The following ARHGAP24 variants were observed in gnomAD, a reference collection of about 807,000 sequenced individuals.
ARHGAP24 encodes Rho GTPase activating protein 24.
Under a neutral mutation model 76.4 loss-of-function variants are expected in ARHGAP24, and 50 were observed. The observed-to-expected ratio is 0.65, with a 90% CI of 0.52 to 0.83. The LOEUF (loss-of-function observed/expected upper bound fraction) is 0.83, where lower values mean the gene tolerates loss of function less well. ARHGAP24 is among the 40% of genes least tolerant of loss of function. ARHGAP24 has a pLI of 0.00. For missense variants in ARHGAP24, 930 were observed against 914.2 expected (o/e 1.02, Z -0.22); for synonymous variants, 345 against 323.3 (o/e 1.07, Z -0.72).
At chr4:85,783,685 G>C (rs955211624) in intron 3 of ARHGAP24, among the ~76,000 whole-genome samples, 2 of 152,038 alleles carry the variant, frequency 1.3e-5, no homozygotes, top group Non-Finnish European at 2.9e-5. Flanking sequence ...GGAGTGGAAG[G>C]GTTCTCATAC....
chr4:85,894,099 T>TAAAAAAAA (rs11394803), intron 3 of ARHGAP24, among the ~76,000 whole-genome samples: 3 of 131,324 alleles, frequency 2.3e-5, no homozygotes, highest in Admixed American at 7.7e-5. Flanking sequence ...TAGAGTATAA[T>TAAAAAAAA]AAAAAAAAAA....
chr4:85,610,173 G>A (rs941602370), intron 2 of ARHGAP24, among the ~76,000 whole-genome samples: 1 of 152,060 alleles, frequency 6.6e-6, no homozygotes, highest in African/African-American at 2.4e-5. Flanking sequence ...ACCATGGTAT[G>A]AAGCACATAT....
chr4:85,658,250 C>T (rs1397922813), intron 2 of ARHGAP24, among the ~76,000 whole-genome samples: 2 of 152,000 alleles, frequency 1.3e-5, no homozygotes, highest in African/African-American at 4.8e-5. Context: ...ATCTGCCTTC[C>T]CACTTCATTT....
chr4:85,643,291 G>T lies in ARHGAP24; in HGVS notation c.180+72570G>T, dbSNP rs1180403190. ...TTTTGAGACGGAGTCTCGCTCTGTC[G>T]CCCAGGCTGGACTGCGGACTGCAGT... On this transcript the variant is annotated intron_variant, in intron 2 of 9. Transcript: ENST00000395184. Among the ~76,000 whole-genome samples the T allele has an allele frequency of 3.3e-5, 2 of 60,760 alleles. 1 individual carries two copies. Among genetic ancestry groups the T allele is most frequent in the Non-Finnish European group, 6.4e-5 (2 of 31,350 alleles). 39.9% of individuals were successfully genotyped at this position (60,760 alleles called of 152,430 possible). A position where few individuals can be genotyped will look rare whatever the true frequency, so the allele number is the denominator to read the frequency against.
At chr4:85,985,460 AAC>A (rs1025981493) in intron 8 of ARHGAP24, among the ~76,000 whole-genome samples, 4 of 152,148 alleles carry the variant, frequency 2.6e-5, no homozygotes, top group African/African-American at 9.7e-5. Context: ...GAAGGGGAAC[AAC>A]ACACACTGGG....
rs146873214 is a variant in ARHGAP24, at chr4:85,707,755, G to A, written c.181-14130G>A. Among the ~76,000 whole-genome samples, 509 of 152,192 alleles carry A rather than the reference G, an allele frequency of 3.3e-3. 3 individuals carry two copies. Among genetic ancestry groups the A allele is most frequent in the African/African-American group, 0.012 (482 of 41,526 alleles). On this transcript the variant is annotated intron_variant, in intron 2 of 9. Coordinates refer to ENST00000395184, the MANE Select transcript of ARHGAP24 (RefSeq NM_001025616.3). ...ATTTATTGTCCTAGGCAAAAATTAG[G>A]TCACTGATGTCTCCGGCACAAGAAT... is the stretch of plus-strand genomic sequence containing the variant.
chr4:85,883,259 C>CTTG (rs1397688618), intron 3 of ARHGAP24, among the ~76,000 whole-genome samples: 1 of 152,138 alleles, frequency 6.6e-6, no homozygotes, highest in African/African-American at 2.4e-5. Flanking sequence ...GTTGAAAGGG[C>CTTG]TTGTGATCAG....
intron 2 of ARHGAP24, among the ~76,000 whole-genome samples, chr4:85,690,130 T>C (rs1228457445): frequency 8.5e-5 from 13 of 152,252 alleles, no homozygotes; most frequent in Admixed American, 8.5e-4. Flanking sequence ...GGATTTTAAA[T>C]TATGTTTATG....
At chr4:85,790,347 A>T (rs1728061129) in intron 3 of ARHGAP24, among the ~76,000 whole-genome samples, 2 of 152,184 alleles carry the variant, frequency 1.3e-5, no homozygotes, top group African/African-American at 4.8e-5. Flanking sequence ...TGTATCTTGC[A>T]CCAAAACATT....
intron 8 of ARHGAP24, chr4:85,992,251 T>A: frequency 2.5e-6 from 1 of 396,070 alleles, no homozygotes; most frequent in Non-Finnish European, 4.5e-6. Flanking sequence ...AGCTAGTCTG[T>A]CCTAAACAAC....
At chr4:85,988,618 T>TA (rs974317238) in intron 8 of ARHGAP24, among the ~76,000 whole-genome samples, 4 of 150,572 alleles carry the variant, frequency 2.7e-5, no homozygotes, top group African/African-American at 4.9e-5. Context: ...AAACTTTTTT[T>TA]AAAAAAAAGG....
intron 9 of ARHGAP24, among the ~76,000 whole-genome samples, chr4:85,998,197 T>C (rs1740795088): frequency 2.0e-5 from 3 of 152,184 alleles, no homozygotes; most frequent in Non-Finnish European, 4.4e-5. Context: ...GTATTCTGAG[T>C]TTATCAGTTT....
chr4:85,945,219 T>A (rs1442496738), intron 5 of ARHGAP24, among the ~76,000 whole-genome samples: 1 of 151,542 alleles, frequency 6.6e-6, no homozygotes, highest in Non-Finnish European at 1.5e-5. Flanking sequence ...CTCAGCTCAC[T>A]GCAACGTCCA....
At chr4:85,573,902 G>T (rs1314100135) in intron 2 of ARHGAP24, among the ~76,000 whole-genome samples, 2 of 152,086 alleles carry the variant, frequency 1.3e-5, no homozygotes, top group Non-Finnish European at 2.9e-5. Context: ...TTTGCTTTTA[G>T]TCAGAGGTAT....
chr4:85,498,556 G>C (rs1319874677), intron 1 of ARHGAP24, among the ~76,000 whole-genome samples: 1 of 152,190 alleles, frequency 6.6e-6, no homozygotes, highest in Admixed American at 6.5e-5. Flanking sequence ...GGAAATCCAC[G>C]GGCCTGTGTA....
intron 3 of ARHGAP24, among the ~76,000 whole-genome samples, chr4:85,859,848 C>T (rs1420626594): frequency 3.9e-5 from 6 of 152,028 alleles, no homozygotes; most frequent in Non-Finnish European, 8.8e-5. Context: ...TTGAGCACCC[C>T]TAGTTATGTT....
chr4:85,772,593 G>A (rs183583188), intron 3 of ARHGAP24, among the ~76,000 whole-genome samples: 98 of 152,184 alleles, frequency 6.4e-4, no homozygotes, highest in African/African-American at 2.4e-3. Flanking sequence ...TTTCATTCTC[G>A]TTTCCACTGG....
At chr4:85,649,982 A>T (rs1721874136) in intron 2 of ARHGAP24, among the ~76,000 whole-genome samples, 1 of 152,132 alleles carries the variant, frequency 6.6e-6, no homozygotes, top group Non-Finnish European at 1.5e-5. Context: ...GTAGCAATGG[A>T]GAAATAAGGA....
rs575576850 is a variant in ARHGAP24, at chr4:85,927,312, G to C, written c.391+3542G>C. Among the ~76,000 whole-genome samples the C allele has an allele frequency of 1.1e-4, 16 of 152,192 alleles. No homozygotes were observed. The East Asian group carries it at 2.5e-3, about 24-fold the overall frequency. Reference sequence around the variant, plus strand: ...ATGTACAGAGACAGAAAATAGATTCGTGGTTGCTTAGAGCTGGGATGGGGG... The same window carrying C: ...ATGTACAGAGACAGAAAATAGATTCCTGGTTGCTTAGAGCTGGGATGGGGG... On this transcript the variant is annotated intron_variant, in intron 4 of 9. Transcript: ENST00000395184.
Sources: gnomAD v4.1 joint callset for allele counts (sites outside exome capture counted in the v4.1 genomes callset) on GRCh38, gnomAD v4.1.1 for gene constraint, MANE v1.5 for transcripts, NCBI Gene and HGNC (gene_info 2026-07-23, HGNC 2026-07-21) for gene names.